The following CDH13 variants were observed in gnomAD, a reference collection of about 807,000 sequenced individuals.
CDH13 encodes cadherin 13, also known as cadherin-13.
A neutral mutation model predicts 63.8 loss-of-function variants in CDH13; 24 were observed. That is an observed-to-expected ratio of 0.38 (90% CI 0.27 to 0.53). CDH13 has a LOEUF of 0.53. Ranked by LOEUF, CDH13 falls within the 20% of genes least tolerant of loss-of-function variation. The pLI is 0.85. For synonymous variants in CDH13, 503 were observed against 355.3 expected (o/e 1.42, Z -4.67); for missense variants, 1,049 against 903.1 (o/e 1.16, Z -2.07).
intron 5 of CDH13, among the ~76,000 whole-genome samples, chr16:83,303,669 C>T (rs558707852): frequency 2.8e-4 from 43 of 152,242 alleles, no homozygotes; most frequent in African/African-American, 1.0e-3. Context: ...CAGCCTTATC[C>T]TGTGCTTTGG....
chr16:83,466,521 A>G (rs2073320507), intron 6 of CDH13, among the ~76,000 whole-genome samples: 1 of 152,212 alleles, frequency 6.6e-6, no homozygotes, highest in Non-Finnish European at 1.5e-5. Context: ...TGCAAACATC[A>G]TGCAATTTAT....
intron 1 of CDH13, among the ~76,000 whole-genome samples, chr16:82,781,002 T>G (rs1290676601): frequency 6.6e-6 from 1 of 152,268 alleles, no homozygotes; most frequent in African/African-American, 2.4e-5. Flanking sequence ...CTTCTCCTGC[T>G]GTCTGGAGAG....
chr16:82,792,383 G>A (rs1249766154), intron 1 of CDH13, among the ~76,000 whole-genome samples: 1 of 152,016 alleles, frequency 6.6e-6, no homozygotes, highest in Non-Finnish European at 1.5e-5. Flanking sequence ...TGTGTGTGGG[G>A]CGTCATATAT....
chr16:83,065,541 C>A (rs2031934971), intron 3 of CDH13, among the ~76,000 whole-genome samples: 1 of 151,942 alleles, frequency 6.6e-6, no homozygotes, highest in Non-Finnish European at 1.5e-5. Context: ...CCCGTCTCTA[C>A]TAAAAATATG....
intron 5 of CDH13, among the ~76,000 whole-genome samples, chr16:83,320,067 T>C (rs1253236234): frequency 1.3e-5 from 2 of 152,092 alleles, no homozygotes; most frequent in African/African-American, 4.8e-5. Context: ...TGAGACAGGG[T>C]CTCATTCTGT....
At chr16:83,492,840 G>A (rs144743220) in intron 7 of CDH13, among the ~76,000 whole-genome samples, 1 of 152,264 alleles carries the variant, frequency 6.6e-6, no homozygotes, top group East Asian at 1.9e-4. Context: ...AGACCTTGAT[G>A]AGTCTCAGGA....
At chr16:83,270,874 C>G (rs923233271) in intron 5 of CDH13, among the ~76,000 whole-genome samples, 3 of 151,106 alleles carry the variant, frequency 2.0e-5, no homozygotes, top group Admixed American at 6.6e-5. Context: ...TTCTTTCCTG[C>G]CTTCCCTCCC....
chr16:83,726,948 G>C (rs1910479376), intron 10 of CDH13, among the ~76,000 whole-genome samples: 1 of 152,052 alleles, frequency 6.6e-6, no homozygotes, highest in South Asian at 2.1e-4. Flanking sequence ...TTCTGTTTTA[G>C]CAGCCCTGGA....
chr16:82,703,646 T>C (rs1230432721), intron 1 of CDH13, among the ~76,000 whole-genome samples: 1 of 152,116 alleles, frequency 6.6e-6, no homozygotes, highest in African/African-American at 2.4e-5. Context: ...CTAATTCCAA[T>C]AATACGCTAC....
intron 4 of CDH13, among the ~76,000 whole-genome samples, chr16:83,215,600 A>G (rs896353243): frequency 1.3e-4 from 20 of 150,518 alleles, no homozygotes; most frequent in Non-Finnish European, 1.5e-5. Context: ...GGTGTCAGAC[A>G]TCGGAATTGC....
chr16:82,646,934 A>C (rs575442599), intron 1 of CDH13, among the ~76,000 whole-genome samples: 1 of 152,338 alleles, frequency 6.6e-6, no homozygotes, highest in South Asian at 2.1e-4. Flanking sequence ...ATGTGAAGGC[A>C]ACGTGAGATT....
Position 83,593,882 on chromosome 16 carries a change from T to C in CDH13, c.961-8572T>C, listed in dbSNP as rs574666158. Among the ~76,000 whole-genome samples the C allele has an allele frequency of 3.7e-4, 56 of 152,244 alleles. 1 individual carries two copies. In the South Asian group the frequency reaches 0.011, roughly 31 times the overall value. On this transcript the variant is annotated intron_variant, in intron 7 of 13. Coordinates refer to ENST00000567109, the MANE Select transcript of CDH13 (RefSeq NM_001257.5). ...ACAAGCACATTATAGACTGTGGTAGTGGTAGGTGCTGGGGAAAACGGTACT... is the reference window on the plus strand; with the variant it reads ...ACAAGCACATTATAGACTGTGGTAGCGGTAGGTGCTGGGGAAAACGGTACT...
At chr16:82,723,538 C>T (rs1477535788) in intron 1 of CDH13, among the ~76,000 whole-genome samples, 1 of 152,124 alleles carries the variant, frequency 6.6e-6, no homozygotes, top group African/African-American at 2.4e-5. Flanking sequence ...TTGCCCTATT[C>T]CTCTGTCTGC....
chr16:83,598,582 G>A (rs1907487240), intron 7 of CDH13, among the ~76,000 whole-genome samples: 1 of 152,108 alleles, frequency 6.6e-6, no homozygotes, highest in African/African-American at 2.4e-5. Context: ...TGCAATAGTT[G>A]CAATATTAGT....
chr16:83,039,964 C>T (rs1429895268), intron 3 of CDH13, among the ~76,000 whole-genome samples: 1 of 151,928 alleles, frequency 6.6e-6, no homozygotes, highest in African/African-American at 2.4e-5. Context: ...TGTTCTTTCT[C>T]CAGGCTCCTG....
rs1046633513 is a variant in CDH13, at chr16:82,639,262, C to G, written c.45+12125C>G. On this transcript the variant is annotated intron_variant, in intron 1 of 13. Transcript: ENST00000567109. ...CTAGTCTCTCAAAGTGGGTCTGGGCCCTGGACTTCCTGTCTGGGCTACTGA... is the reference window on the plus strand; with the variant it reads ...CTAGTCTCTCAAAGTGGGTCTGGGCGCTGGACTTCCTGTCTGGGCTACTGA... 8.5e-5 allele frequency: 62 copies of G among 728,318 alleles called. No homozygotes were observed. The African/African-American group carries it at 1.0e-3, about 12-fold the overall frequency. The allele number at this position is 728,318 out of a possible 1,614,324, so 45.1% of individuals were successfully genotyped here.
At chr16:83,629,198 G>A (rs1387510570) in intron 8 of CDH13, among the ~76,000 whole-genome samples, 3 of 152,212 alleles carry the variant, frequency 2.0e-5, no homozygotes, top group Non-Finnish European at 4.4e-5. Context: ...TTAAGCATAT[G>A]TTTCATACCT....
At chr16:83,663,008 T>C (rs1913582517) in intron 8 of CDH13, among the ~76,000 whole-genome samples, 2 of 152,258 alleles carry the variant, frequency 1.3e-5, no homozygotes, top group African/African-American at 4.8e-5. Flanking sequence ...TCCATTCTTT[T>C]GCTTCTCCAT....
intron 1 of CDH13, among the ~76,000 whole-genome samples, chr16:82,687,701 G>A (rs1029579407): frequency 1.3e-5 from 2 of 152,022 alleles, no homozygotes; most frequent in African/African-American, 4.8e-5. Flanking sequence ...AAGATGAAAT[G>A]TGGCTGGGGA....
Sources: gnomAD v4.1 joint callset for allele counts (sites outside exome capture counted in the v4.1 genomes callset) on GRCh38, gnomAD v4.1.1 for gene constraint, MANE v1.5 for transcripts, NCBI Gene and HGNC (gene_info 2026-07-23, HGNC 2026-07-21) for gene names.